Variants in TXNDC12 observed in about 807,000 individuals in gnomAD.
TXNDC12 encodes thioredoxin domain containing 12.
TXNDC12 carries 22 observed loss-of-function variants against 24.2 expected under a neutral mutation model. That is an observed-to-expected ratio of 0.91 (90% CI 0.65 to 1.30). TXNDC12 has a LOEUF of 1.30. TXNDC12 is among the 50% of genes most tolerant of loss of function. The pLI is 0.00. For missense variants in TXNDC12, 184 were observed against 205.8 expected, an observed-to-expected ratio of 0.89 and a Z score of 0.65; for synonymous variants, 58 against 73.4, an observed-to-expected ratio of 0.79 and a Z score of 1.07.
Position 52,028,447 on chromosome 1 carries a change from A to T in TXNDC12, c.211+131T>A, listed in dbSNP as rs1044861386. 2.0e-5 allele frequency: 14 copies of T among 687,656 alleles called. No homozygotes were observed. The African/African-American group carries it at 2.4e-4, about 12-fold the overall frequency. The allele number at this position is 687,656 out of a possible 1,614,324, so 42.6% of individuals were successfully genotyped here. A position where few individuals can be genotyped will look rare whatever the true frequency, so the allele number is the denominator to read the frequency against. ...CAAATTTCATGAAGGCAGGAAATCT[A>T]TGTCATATGTTTCTTTAGTATTCCT... On this transcript the variant is annotated intron_variant, in intron 3 of 6. Transcript: ENST00000371626.
rs201855624 is a variant in TXNDC12, at chr1:52,053,694, AC to A, written c.97+1305del. Among the ~76,000 whole-genome samples, 364 of 152,184 alleles carry A rather than the reference AC, an allele frequency of 2.4e-3. 6 individuals carry two copies. Among genetic ancestry groups the A allele is most frequent in the Admixed American group, 0.017 (260 of 15,276 alleles). ...CAAAACAAAACAACAACAAAAAAAA[AC>A]GGTAGTCTGTTTTAAAATGGGATTG... On this transcript the variant is annotated intron_variant, in intron 1 of 6. Transcript: ENST00000371626.
At chr1:52,026,990 C>G (rs541160443) in intron 4 of TXNDC12, among the ~76,000 whole-genome samples, 1 of 151,668 alleles carries the variant, frequency 6.6e-6, no homozygotes, top group African/African-American at 2.4e-5. Context: ...GAGCCAGGAT[C>G]GCACCACTGC....
At chr1:52,034,607 T>C (rs930186253) in intron 2 of TXNDC12, among the ~76,000 whole-genome samples, 3 of 152,068 alleles carry the variant, frequency 2.0e-5, no homozygotes, top group Non-Finnish European at 4.4e-5. Context: ...TAATTTATTA[T>C]TATTATTTAT....
At chr1:52,025,366 C>T (rs1251152933) in intron 4 of TXNDC12, among the ~76,000 whole-genome samples, 4 of 152,046 alleles carry the variant, frequency 2.6e-5, no homozygotes, top group Non-Finnish European at 4.4e-5. Flanking sequence ...TACAGGTGCC[C>T]GCCACCATGC....
chr1:52,035,167 G>A (rs1204011255), intron 2 of TXNDC12, among the ~76,000 whole-genome samples: 1 of 152,212 alleles, frequency 6.6e-6, no homozygotes, highest in Non-Finnish European at 1.5e-5. Context: ...AAGCACTATA[G>A]GATGGTAGGT....
At chr1:52,040,759 G>A (rs1685971163) in intron 2 of TXNDC12, among the ~76,000 whole-genome samples, 1 of 152,140 alleles carries the variant, frequency 6.6e-6, no homozygotes, top group Non-Finnish European at 1.5e-5. Flanking sequence ...GGCCGGGCGT[G>A]GTGGCTCACA....
At chr1:52,042,289 C>T (rs967923954) in intron 1 of TXNDC12, among the ~76,000 whole-genome samples, 1 of 151,896 alleles carries the variant, frequency 6.6e-6, no homozygotes, top group Non-Finnish European at 1.5e-5. Flanking sequence ...AGGAAAAAAA[C>T]AAAAAACAAA....
chr1:52,033,224 C>T (rs201531949), intron 2 of TXNDC12: 2 of 1,614,188 alleles, frequency 1.2e-6, no homozygotes, highest in East Asian at 2.2e-5. Context: ...TCCGCAGCCC[C>T]GGATTCTTCT....
At chr1:52,048,172 A>G (rs1282411769) in intron 1 of TXNDC12, among the ~76,000 whole-genome samples, 1 of 152,178 alleles carries the variant, frequency 6.6e-6, no homozygotes, top group African/African-American at 2.4e-5. Flanking sequence ...GATGCTTATA[A>G]AAGCATACCT....
chr1:52,032,615 TG>T, intron 2 of TXNDC12: 1 of 1,519,252 alleles, frequency 6.6e-7, no homozygotes, highest in Non-Finnish European at 8.8e-7. Flanking sequence ...CGATATGCTC[TG>T]GAGACCTGCA....
At chr1:52,044,727 A>T (rs1221520775) in intron 1 of TXNDC12, among the ~76,000 whole-genome samples, 1 of 152,178 alleles carries the variant, frequency 6.6e-6, no homozygotes, top group African/African-American at 2.4e-5. Context: ...TAATCCTAGC[A>T]CTTTGGGAGG....
At position 52,024,555 on chromosome 1, in the gene TXNDC12, C is replaced by A; in HGVS notation, c.310G>T (p.Asp104Tyr). 3 of 1,612,480 alleles carry A rather than the reference C, an allele frequency of 1.9e-6. No individual in the cohort carries two copies. Among genetic ancestry groups the A allele is most frequent in the Non-Finnish European group, 2.5e-6 (3 of 1,179,024 alleles). Residue 104 changes from aspartate to tyrosine, a missense_variant, in exon 5 of 7, where the codon GAT (aspartate) becomes TAT (tyrosine). Transcript: ENST00000371626. ...ATATAACCCCCGTCAGGGCTGAAAT[C>A]TTCATCTTTGGGTTCCTCTTCATCC... ...LEDEEEPKDE[D>Y]FSPDGGYIPR...
chr1:52,023,779 A>T (rs1383682813), intron 5 of TXNDC12, among the ~76,000 whole-genome samples: 1 of 152,110 alleles, frequency 6.6e-6, no homozygotes, highest in Non-Finnish European at 1.5e-5. Flanking sequence ...AGCAGAATTT[A>T]TGCTGAACAA....
intron 1 of TXNDC12, among the ~76,000 whole-genome samples, chr1:52,048,790 G>A (rs1217888878): frequency 6.6e-6 from 1 of 152,052 alleles, no homozygotes; most frequent in Non-Finnish European, 1.5e-5. Context: ...CCAGGAGGCA[G>A]GGGTTGCAGT....
At chr1:52,024,877 A>G (rs969541247) in intron 4 of TXNDC12, among the ~76,000 whole-genome samples, 2 of 152,210 alleles carry the variant, frequency 1.3e-5, no homozygotes, top group Admixed American at 6.5e-5. Flanking sequence ...ATTATTATCC[A>G]CATGGTTGAC....
At chr1:52,027,752 TATAC>T (rs1479973287) in intron 3 of TXNDC12, among the ~76,000 whole-genome samples, 2 of 149,456 alleles carry the variant, frequency 1.3e-5, no homozygotes, top group African/African-American at 4.9e-5. Context: ...TATATACATA[TATAC>T]ATATATACGT....
At chr1:52,052,712 A>G (rs1156719830) in intron 1 of TXNDC12, 1 of 152,482 alleles carries the variant, frequency 6.6e-6, no homozygotes, top group African/African-American at 2.4e-5. Context: ...GTGATTTATT[A>G]CACAACAATG....
intron 6 of TXNDC12, chr1:52,023,213 G>T: frequency 3.1e-6 from 1 of 320,296 alleles, no homozygotes; most frequent in Non-Finnish European, 5.8e-6. Flanking sequence ...TCAAATTCTG[G>T]CTCTGCTACT....
intron 1 of TXNDC12, among the ~76,000 whole-genome samples, chr1:52,045,187 T>C (rs1401346853): frequency 6.6e-6 from 1 of 152,122 alleles, no homozygotes; most frequent in Admixed American, 6.5e-5. Flanking sequence ...TCCAATTACA[T>C]GACATTGGAA....
Sources: gnomAD v4.1 joint callset for allele counts (sites outside exome capture counted in the v4.1 genomes callset) on GRCh38, gnomAD v4.1.1 for gene constraint, MANE v1.5 for transcripts, NCBI Gene and HGNC (gene_info 2026-07-23, HGNC 2026-07-21) for gene names.